P2RX5: variants seen among roughly 807,000 people sequenced by gnomAD.
P2RX5 encodes the protein purinergic receptor P2X 5.
In P2RX5, 46 loss-of-function variants were observed where a neutral mutation model predicts 54.1. The ratio of observed to expected loss-of-function variants is 0.85; its 90% CI spans 0.67 to 1.09. The LOEUF (loss-of-function observed/expected upper bound fraction) is 1.09, where lower values mean the gene tolerates loss of function less well. Ranked by LOEUF, P2RX5 falls within the 50% of genes least tolerant of loss-of-function variation. The pLI is 0.00. For missense variants in P2RX5, 566 were observed against 549.8 expected (o/e 1.03, Z -0.29); for synonymous variants, 226 against 226.4 (o/e 1.00, Z 0.02).
chr17:3,676,603 C>T, intron 11 of P2RX5: 1 of 985,016 alleles, frequency 1.0e-6, no homozygotes, highest in Non-Finnish European at 1.2e-6. Flanking sequence ...TGGCTCCATC[C>T]ACCAAAGCTG....
intron 10 of P2RX5, among the ~76,000 whole-genome samples, chr17:3,680,465 C>CTG (rs2050231746): frequency 1.8e-5 from 2 of 113,034 alleles, no homozygotes; most frequent in Non-Finnish European, 3.5e-5. Context: ...GTCCTCCACC[C>CTG]AGTGTCCTCC....
chr17:3,694,441 G>T (rs2050702083), intron 1 of P2RX5, among the ~76,000 whole-genome samples: 1 of 152,078 alleles, frequency 6.6e-6, no homozygotes, highest in African/African-American at 2.4e-5. Flanking sequence ...CCTGACCTCA[G>T]GTGATCCACC....
At chr17:3,714,331 G>T in the P2RX5 span, among the ~76,000 whole-genome samples, 3 of 150,784 alleles carry the variant, frequency 2.0e-5, no homozygotes, top group African/African-American at 7.3e-5. Context: ...AGGTTCAAAT[G>T]ATTCTCCTGC....
At chr17:3,684,233 T>G (rs1306427837) in intron 9 of P2RX5, among the ~76,000 whole-genome samples, 1 of 152,254 alleles carries the variant, frequency 6.6e-6, no homozygotes, top group Non-Finnish European at 1.5e-5. Context: ...CTCAGCCAGC[T>G]GGGATTTTGC....
At chr17:3,681,419 C>T (rs1215720372) in intron 10 of P2RX5, among the ~76,000 whole-genome samples, 1 of 152,022 alleles carries the variant, frequency 6.6e-6, no homozygotes, top group East Asian at 1.9e-4. Flanking sequence ...GCTGTGAACA[C>T]GCACACCCCA....
chr17:3,713,647 G>A, the P2RX5 span, among the ~76,000 whole-genome samples: 7 of 152,050 alleles, frequency 4.6e-5, no homozygotes, highest in African/African-American at 1.7e-4. Flanking sequence ...TTACTCAGGA[G>A]GCTGAGGCAG....
chr17:3,703,383 C>T, the P2RX5 span, among the ~76,000 whole-genome samples: 1 of 152,054 alleles, frequency 6.6e-6, no homozygotes, highest in Non-Finnish European at 1.5e-5. Flanking sequence ...AAAAAATTAG[C>T]TGGGCATGGT....
intron 10 of P2RX5, among the ~76,000 whole-genome samples, chr17:3,680,159 G>C (rs1198468283): frequency 2.0e-5 from 2 of 101,720 alleles, no homozygotes; most frequent in African/African-American, 4.0e-5. Flanking sequence ...CCTCCATCCG[G>C]TGTCCTCCAC....
upstream of P2RX5, among the ~76,000 whole-genome samples, chr17:3,696,806 A>G (rs1042394634): frequency 6.6e-6 from 1 of 152,146 alleles, no homozygotes; most frequent in Non-Finnish European, 1.5e-5. Context: ...GGTTCTTCCT[A>G]TTGAATAGAT....
At chr17:3,689,391 A>G (rs1244916615) in intron 7 of P2RX5, 101 bp downstream of exon 7, 4 of 1,353,068 alleles carry the variant, frequency 3.0e-6, no homozygotes, top group African/African-American at 2.9e-5. Flanking sequence ...TTGCAGGGCC[A>G]CCCTCGCCCC....
At chr17:3,696,250 C>T (rs918946884), upstream of P2RX5, 4 of 302,326 alleles carry the variant, frequency 1.3e-5, no homozygotes, top group Non-Finnish European at 2.4e-5. Context: ...CAGACCGCGA[C>T]CTTGCCGCTA....
intron 1 of P2RX5, 32 bp from the exon 2 acceptor site, chr17:3,691,826 G>A (rs1474411645): frequency 6.2e-7 from 1 of 1,613,584 alleles, no homozygotes; most frequent in South Asian, 1.1e-5. Flanking sequence ...GTGGGCATCA[G>A]CCACTCTGCT....
At chr17:3,682,339 T>C (rs2050307587) in intron 9 of P2RX5, 2 of 365,838 alleles carry the variant, frequency 5.5e-6, no homozygotes, top group Non-Finnish European at 1.1e-5. Context: ...CTGGGGACTC[T>C]CCCTCTGGTG....
the P2RX5 span, among the ~76,000 whole-genome samples, chr17:3,712,270 G>A: frequency 6.6e-6 from 1 of 152,206 alleles, no homozygotes; most frequent in African/African-American, 2.4e-5. Context: ...TAGCACAGAC[G>A]GATTTCTGAA....
At chr17:3,701,586 G>A in the P2RX5 span, among the ~76,000 whole-genome samples, 1 of 151,484 alleles carries the variant, frequency 6.6e-6, no homozygotes. Flanking sequence ...CAGCTACTTG[G>A]GAGGCTGAGG....
At chr17:3,690,566 C>T (rs371469721) in intron 4 of P2RX5, 39 bp downstream of exon 4, 34 of 1,612,182 alleles carry the variant, frequency 2.1e-5, no homozygotes, top group Middle Eastern at 1.6e-4. Context: ...CCTCCCACTC[C>T]GAGTCCTCCT....
rs750598408 is a variant in P2RX5 at position 3,690,468 on chromosome 17, C to A, written c.492G>T (p.Glu164Asp). The A allele has an allele frequency of 1.2e-6, 2 of 1,613,252 alleles. No individual in the cohort carries two copies. Among genetic ancestry groups the A allele is most frequent in the South Asian group, 2.2e-5 (2 of 91,028 alleles). Residue 164 changes from glutamate to aspartate, a missense_variant, in exon 5 of 12, where the codon GAG becomes GAT. Physicochemically the swap from Glu to Asp is conservative, Grantham distance 45 (BLOSUM62 2). Coordinates refer to ENST00000225328, the MANE Select transcript of P2RX5 (RefSeq NM_002561.4). The stretch of plus-strand genomic sequence containing the variant: ...TCTCCAACGGGCACCAGGCAAAGAT[C>A]TCACAGGTGCCCCTGGCCAAGTTCT... ...RRENLARGTC[E>D]IFAWCPLETS...
Position 3,689,549 on chromosome 17 carries a change from G to C in P2RX5, c.696C>G (p.Phe232Leu), listed in dbSNP as rs781187623. 1 of 1,614,218 alleles carries C rather than the reference G, an allele frequency of 6.2e-7. No homozygotes were observed. The highest frequency in any genetic ancestry group is 2.2e-5 in the East Asian group (1 of 44,892). Residue 232 changes from phenylalanine to leucine, a missense_variant, in exon 7 of 12, where the codon TTC becomes TTG. Physicochemically the swap from Phe to Leu is conservative, Grantham distance 22. Transcript: ENST00000225328. ...CCCAGCGGATCACGGAGCCCAGTCG[G>C]AAGATGGGGCAGTAGTGGTTCTTGG... ...FGPKNHYCPI[F>L]RLGSVIRWAG... is the part of the protein sequence containing the mutation.
chr17:3,697,719 T>C (rs2050785834), upstream of P2RX5, among the ~76,000 whole-genome samples: 1 of 152,202 alleles, frequency 6.6e-6, no homozygotes, highest in South Asian at 2.1e-4. Flanking sequence ...TCTCAAACTG[T>C]CATTTGGGAA....
Sources: allele counts gnomAD v4.1 joint callset (sites outside exome capture counted in the v4.1 genomes callset), GRCh38; gene constraint gnomAD v4.1.1; transcripts MANE v1.5; gene names NCBI Gene and HGNC (gene_info 2026-07-23, HGNC 2026-07-21).